Variants in PSMA1 observed in about 807,000 individuals in gnomAD.
PSMA1 encodes the protein proteasome subunit alpha type-1.
In PSMA1, 3 loss-of-function variants were observed where a neutral mutation model predicts 38.4. That is an observed-to-expected ratio of 0.08 (90% confidence interval 0.04 to 0.20). The LOEUF is 0.20. Ranked by LOEUF, PSMA1 falls within the 10% of genes least tolerant of loss-of-function variation. The pLI is 1.00. For missense variants in PSMA1, 227 were observed against 325.3 expected (o/e 0.70, Z 2.32); for synonymous variants, 101 against 107.1 (o/e 0.94, Z 0.35).
At chr11:14,602,532 T>C (rs1852595284) in intron 2 of PSMA1, among the ~76,000 whole-genome samples, 1 of 152,190 alleles carries the variant, frequency 6.6e-6, no homozygotes, top group African/African-American at 2.4e-5. Flanking sequence ...ATTATTTTTC[T>C]TGTAATTTTA....
At chr11:14,577,239 T>C (rs184344541) in intron 2 of PSMA1, among the ~76,000 whole-genome samples, 1 of 152,218 alleles carries the variant, frequency 6.6e-6, no homozygotes, top group Non-Finnish European at 1.5e-5. Context: ...GTCACTATTA[T>C]TATCTTCATT....
chr11:14,588,072 GACA>G (rs1476133923), intron 2 of PSMA1, among the ~76,000 whole-genome samples: 4 of 152,180 alleles, frequency 2.6e-5, no homozygotes, highest in Admixed American at 2.0e-4. Context: ...TAAGAGATGT[GACA>G]ACAACTAAGT....
In PSMA1 at chr11:14,628,583, T is replaced by C. The variant is rs534699471; in HGVS notation, c.-166+14872A>G. ...GTCTATCATTGTTGGACATTTGGGT[T>C]GGTTCCAAGTCTTTGCTATTGCGAA... On this transcript the variant is annotated intron_variant, in intron 1 of 10. Coordinates refer to the PSMA1 transcript ENST00000418988. Among the ~76,000 whole-genome samples the C allele has an allele frequency of 2.2e-3, 324 of 150,450 alleles. 2 individuals carry two copies. The highest frequency in any genetic ancestry group is 7.4e-3 in the African/African-American group (303 of 40,808).
intron 2 of PSMA1, among the ~76,000 whole-genome samples, chr11:14,564,511 C>T (rs183023849): frequency 6.6e-6 from 1 of 152,190 alleles, no homozygotes; most frequent in Admixed American, 6.5e-5. Flanking sequence ...TATTCATGTA[C>T]AGATTTTTGT....
At chr11:14,541,348 A>C (rs924934771) in intron 2 of PSMA1, among the ~76,000 whole-genome samples, 10 of 151,828 alleles carry the variant, frequency 6.6e-5, no homozygotes, top group Non-Finnish European at 1.2e-4. Flanking sequence ...CTGTCCCTTG[A>C]CCCCCAGGCT....
intron 2 of PSMA1, among the ~76,000 whole-genome samples, chr11:14,581,024 T>C (rs1056400163): frequency 8.5e-5 from 13 of 152,200 alleles, no homozygotes; most frequent in South Asian, 2.1e-4. Flanking sequence ...TATGTAGTTA[T>C]GGGATGAATC....
intron 2 of PSMA1, among the ~76,000 whole-genome samples, chr11:14,586,968 G>A (rs1216853696): frequency 1.3e-5 from 2 of 152,036 alleles, no homozygotes; most frequent in Admixed American, 6.6e-5. Context: ...CACTATGTTG[G>A]CCAGGATGGT....
intron 2 of PSMA1, among the ~76,000 whole-genome samples, chr11:14,562,238 T>C (rs1027860446): frequency 6.6e-6 from 1 of 152,208 alleles, no homozygotes; most frequent in African/African-American, 2.4e-5. Flanking sequence ...AGAGTTGCCA[T>C]GGTTCATAGT....
At chr11:14,571,216 C>A (rs538215307) in intron 2 of PSMA1, among the ~76,000 whole-genome samples, 1 of 152,168 alleles carries the variant, frequency 6.6e-6, no homozygotes, top group Non-Finnish European at 1.5e-5. Context: ...GAACCCACCA[C>A]CACGCCCGGC....
chr11:14,632,948 A>T (rs1853047855), intron 1 of PSMA1, among the ~76,000 whole-genome samples: 1 of 148,600 alleles, frequency 6.7e-6, no homozygotes, highest in South Asian at 2.1e-4. Context: ...AGGCTTCTGC[A>T]TTCTTCACGT....
At chr11:14,581,954 C>A (rs1307226170) in intron 2 of PSMA1, among the ~76,000 whole-genome samples, 4 of 152,140 alleles carry the variant, frequency 2.6e-5, no homozygotes, top group Non-Finnish European at 4.4e-5. Flanking sequence ...AAAACTTTGC[C>A]CCTGATTCTT....
At chr11:14,557,385 A>G (rs1322304625) in intron 2 of PSMA1, among the ~76,000 whole-genome samples, 1 of 151,924 alleles carries the variant, frequency 6.6e-6, no homozygotes. Context: ...CTACAGGTGC[A>G]CAAGCGCACC....
At chr11:14,576,376 T>A (rs1229043957) in intron 2 of PSMA1, among the ~76,000 whole-genome samples, 9 of 152,210 alleles carry the variant, frequency 5.9e-5, no homozygotes, top group Non-Finnish European at 1.3e-4. Flanking sequence ...CTGAATGGTA[T>A]TGCCTAGGTT....
chr11:14,627,838 A>G lies in PSMA1; in HGVS notation c.-166+15617T>C, dbSNP rs1035449179. ...TCCTTGCAATGCCATCCTCTCTTAT[A>G]TCTAAATCCTACCCATCCTTTAAGA... On this transcript the variant is annotated intron_variant, in intron 1 of 10. Coordinates refer to the PSMA1 transcript ENST00000418988. Among the ~76,000 whole-genome samples the G allele has an allele frequency of 5.3e-5, 8 of 152,110 alleles. 1 individual carries two copies. The highest frequency in any genetic ancestry group is 1.2e-4 in the Non-Finnish European group (8 of 68,020).
At chr11:14,593,986 G>C (rs1432005885) in intron 2 of PSMA1, among the ~76,000 whole-genome samples, 1 of 152,200 alleles carries the variant, frequency 6.6e-6, no homozygotes, top group Non-Finnish European at 1.5e-5. Context: ...TGGTCAGTGA[G>C]ACATAAAGGC....
At chr11:14,583,188 T>C (rs555455223) in intron 2 of PSMA1, among the ~76,000 whole-genome samples, 1 of 152,336 alleles carries the variant, frequency 6.6e-6, no homozygotes, top group African/African-American at 2.4e-5. Flanking sequence ...TTCTTCTACC[T>C]TTCACTTCTC....
At chr11:14,566,822 C>T (rs1158285284) in intron 2 of PSMA1, among the ~76,000 whole-genome samples, 2 of 152,078 alleles carry the variant, frequency 1.3e-5, no homozygotes, top group Admixed American at 1.3e-4. Flanking sequence ...CAAAGAATAA[C>T]AACATAAATG....
At chr11:14,603,734 A>G (rs953462324) in intron 2 of PSMA1, among the ~76,000 whole-genome samples, 3 of 152,264 alleles carry the variant, frequency 2.0e-5, no homozygotes, top group South Asian at 4.1e-4. Flanking sequence ...AAGCTGGTTG[A>G]CTGTTTAATT....
intron 1 of PSMA1, among the ~76,000 whole-genome samples, chr11:14,616,034 G>C (rs1279797954): frequency 6.6e-6 from 1 of 152,146 alleles, no homozygotes; most frequent in Non-Finnish European, 1.5e-5. Context: ...ATGGAAATCA[G>C]AGGCATCAAC....
Sources: allele counts gnomAD v4.1 joint callset (sites outside exome capture counted in the v4.1 genomes callset), GRCh38; gene constraint gnomAD v4.1.1; transcripts MANE v1.5; gene names NCBI Gene and HGNC (gene_info 2026-07-23, HGNC 2026-07-21).